The following AATF variants were observed in gnomAD, a reference collection of about 807,000 sequenced individuals.
The protein encoded by AATF is protein AATF.
Under a neutral mutation model 63.7 loss-of-function variants are expected in AATF, and 48 were observed. That is an observed-to-expected ratio of 0.75 (90% CI 0.60 to 0.96). The LOEUF is 0.96. AATF is among the 40% of genes least tolerant of loss of function. The probability of loss-of-function intolerance (pLI) is 0.00; values close to 1 mark genes in which losing one functional copy is unlikely to be tolerated. For synonymous variants in AATF, 258 were observed against 247.7 expected (o/e 1.04, Z -0.39); for missense variants, 639 against 685.7 (o/e 0.93, Z 0.76).
chr17:37,031,758 G>T, intron 11 of AATF, 73 bp downstream of exon 11: 2 of 1,193,840 alleles, frequency 1.7e-6, no homozygotes, highest in Non-Finnish European at 2.5e-6. Context: ...TACAGCCTTC[G>T]CCCTCTCCAT....
intron 8 of AATF, among the ~76,000 whole-genome samples, chr17:36,994,870 T>C (rs1274204140): frequency 6.6e-6 from 1 of 152,238 alleles, no homozygotes; most frequent in Non-Finnish European, 1.5e-5. Flanking sequence ...GGCGTGCCAG[T>C]CCCTGGACTA....
rs71380123 is a variant in AATF at position 36,964,784 on chromosome 17, C to T, written c.832+10877C>T. Among the ~76,000 whole-genome samples, 596 of 114,116 alleles carry T rather than the reference C, an allele frequency of 5.2e-3. 4 individuals are homozygous for T. Among genetic ancestry groups the T allele is most frequent in the African/African-American group, 0.016 (542 of 33,512 alleles). 74.9% of individuals were successfully genotyped at this position (114,116 alleles called of 152,430 possible). On this transcript the variant is annotated intron_variant, in intron 4 of 11. Coordinates refer to ENST00000619387, the MANE Select transcript of AATF (RefSeq NM_012138.4). ...CCCCCCCACTGTAGCTCAGTTTTAT[C>T]ATCTCAATCCTTTTTTTCCTAAACT...
rs767504631 is a variant in AATF at position 36,949,106 on chromosome 17, T to G, written c.-20T>G. 1.9e-6 allele frequency: 3 copies of G among 1,559,734 alleles called. No homozygotes were observed. The highest frequency in any genetic ancestry group is 2.6e-6 in the Non-Finnish European group (3 of 1,151,110). On this transcript the variant is annotated 5_prime_UTR_variant, in exon 1 of 12. Transcript: ENST00000619387. The stretch of plus-strand genomic sequence containing the variant: ...GCACATTTACGTGCGCGAAGCGGAG[T>G]GGACCGGGAGCTGGTGACGATGGCG...
intron 4 of AATF, among the ~76,000 whole-genome samples, chr17:36,984,813 A>C (rs1411966489): frequency 1.3e-5 from 2 of 151,784 alleles, no homozygotes; most frequent in Non-Finnish European, 2.9e-5. Flanking sequence ...TTTTAAAAAA[A>C]ATTTTGTAGA....
chr17:36,950,521 C>CA lies in AATF; in HGVS notation c.283+117dup, dbSNP rs1328201763. The CA allele has an allele frequency of 1.5e-5, 16 of 1,085,932 alleles. No homozygotes were observed. The African/African-American group carries it at 2.2e-4, about 15-fold the overall frequency. The allele number at this position is 1,085,932 out of a possible 1,614,324, so 67.3% of individuals were successfully genotyped here. A position where few individuals can be genotyped will look rare whatever the true frequency, so the allele number is the denominator to read the frequency against. Reference sequence around the variant, plus strand: ...TAGTCTGCGGATCTTTTTTTTGAGACAGAGTTTGGCTCTTGTTGCCCAGGC... The same window carrying CA: ...TAGTCTGCGGATCTTTTTTTTGAGACAAGAGTTTGGCTCTTGTTGCCCAGGC... On this transcript the variant is annotated intron_variant, in intron 2 of 11. Coordinates refer to ENST00000619387, the MANE Select transcript of AATF (RefSeq NM_012138.4).
chr17:37,020,442 A>T (rs1002960644), intron 9 of AATF, among the ~76,000 whole-genome samples: 3 of 152,244 alleles, frequency 2.0e-5, no homozygotes, highest in Admixed American at 1.3e-4. Context: ...TAAAACAATT[A>T]AAAACTAGTA....
At position 36,950,326 on chromosome 17, in the gene AATF, C is replaced by T. The variant is rs148009423; in HGVS notation, c.204C>T (p.Asp68=). 170 of 1,614,028 alleles carry T rather than the reference C, an allele frequency of 1.1e-4. No individual in the cohort carries two copies. The African/African-American group carries it at 2.0e-3, about 19-fold the overall frequency. ...KLASASLLDT[D]KRYCGKTTSR... is the part of the protein sequence containing the mutation. ...CATCAGCCTCCCTCTTGGACACGGA[C>T]AAAAGGTATTGCGGCAAAACCACCT... The change falls in exon 2 of 12, where the codon GAC becomes GAT. Residue 68 remains aspartate (D), a synonymous_variant. Transcript: ENST00000619387.
At chr17:37,018,130 T>C (rs774193953) in intron 8 of AATF, among the ~76,000 whole-genome samples, 5 of 152,230 alleles carry the variant, frequency 3.3e-5, no homozygotes, top group African/African-American at 7.2e-5. Context: ...ATAGCACTTA[T>C]AGTTCTATTA....
chr17:37,053,695 C>T (rs183580084), intron 11 of AATF, among the ~76,000 whole-genome samples: 469 of 152,224 alleles, frequency 3.1e-3, no homozygotes, highest in Non-Finnish European at 5.1e-3. Context: ...GGTAAAACCC[C>T]GTCTCTACTA....
At chr17:37,005,999 G>T (rs922630777) in intron 8 of AATF, among the ~76,000 whole-genome samples, 2 of 152,086 alleles carry the variant, frequency 1.3e-5, no homozygotes, top group Non-Finnish European at 2.9e-5. Context: ...ACCAGGCATG[G>T]TGGCTTGCGC....
chr17:36,974,196 T>G (rs774249611), intron 4 of AATF, among the ~76,000 whole-genome samples: 2 of 152,182 alleles, frequency 1.3e-5, no homozygotes, highest in Non-Finnish European at 1.5e-5. Flanking sequence ...TTTTCTAGGT[T>G]TTTCTTCTCA....
At chr17:36,973,878 C>T (rs1377161094) in intron 4 of AATF, among the ~76,000 whole-genome samples, 1 of 152,084 alleles carries the variant, frequency 6.6e-6, no homozygotes, top group African/African-American at 2.4e-5. Context: ...CAAGACCAGC[C>T]TGGCCAACGT....
At chr17:37,029,405 G>A (rs763938757) in intron 10 of AATF, among the ~76,000 whole-genome samples, 4 of 151,730 alleles carry the variant, frequency 2.6e-5, no homozygotes, top group Admixed American at 2.0e-4. Flanking sequence ...CACCACGCCC[G>A]GCTAATTTTT....
At chr17:37,021,058 T>TTGAC in intron 10 of AATF, 44 bp downstream of exon 10, 2 of 1,391,986 alleles carry the variant, frequency 1.4e-6, no homozygotes, top group Non-Finnish European at 2.0e-6. Context: ...ATTGTATATG[T>TTGAC]ATCTCGTCTC....
chr17:37,028,856 C>G (rs770197346), intron 10 of AATF, among the ~76,000 whole-genome samples: 2 of 152,070 alleles, frequency 1.3e-5, no homozygotes, highest in Non-Finnish European at 2.9e-5. Context: ...AAATAGGGTA[C>G]TTCTGTTCCT....
At position 37,019,002 on chromosome 17, in the gene AATF, T is replaced by C. The variant is rs1452539460; in HGVS notation, c.1399-3T>C. The C allele has an allele frequency of 6.2e-7, 1 of 1,613,784 alleles. No individual in the cohort carries two copies. The highest frequency in any genetic ancestry group is 8.5e-7 in the Non-Finnish European group (1 of 1,179,656). ...AAATTCGTTGCTTTCCTTTTTCCCCTAGCTCCTTCGAGAACTCATAGAACG... is the reference window on the plus strand; with the variant it reads ...AAATTCGTTGCTTTCCTTTTTCCCCCAGCTCCTTCGAGAACTCATAGAACG... On this transcript the variant is annotated splice_polypyrimidine_tract_variant and splice_region_variant and intron_variant, in intron 8 of 11. Coordinates refer to ENST00000619387, the MANE Select transcript of AATF (RefSeq NM_012138.4).
intron 6 of AATF, 87 bp from the exon 7 acceptor site, chr17:36,989,160 G>A (rs2071193333): frequency 7.1e-7 from 1 of 1,409,232 alleles, no homozygotes; most frequent in Non-Finnish European, 9.6e-7. Context: ...CTATCTCTCT[G>A]CTGACACAGA....
intron 8 of AATF, among the ~76,000 whole-genome samples, chr17:37,005,113 C>T (rs75632968): frequency 0.033 from 4,956 of 151,892 alleles, 279 homozygotes; most frequent in African/African-American, 0.11. Context: ...TATTTTGCTA[C>T]AGAAATTTTG....
chr17:37,022,864 G>C (rs1322863735), intron 10 of AATF, among the ~76,000 whole-genome samples: 2 of 152,032 alleles, frequency 1.3e-5, no homozygotes, highest in African/African-American at 4.8e-5. Flanking sequence ...TCCAAGGTTG[G>C]GTCAGTCTCT....
Sources: allele counts gnomAD v4.1 joint callset (sites outside exome capture counted in the v4.1 genomes callset), GRCh38; gene constraint gnomAD v4.1.1; transcripts MANE v1.5; gene names NCBI Gene and HGNC (gene_info 2026-07-23, HGNC 2026-07-21).